THAP12: variants seen among roughly 807,000 people sequenced by gnomAD.
THAP12 encodes the protein THAP domain containing 12.
THAP12 carries 20 observed loss-of-function variants against 63.0 expected under a neutral mutation model. That is an observed-to-expected ratio of 0.32 (90% CI 0.22 to 0.46). The LOEUF is 0.46. Among genes scored for constraint, THAP12 ranks in the 20% least tolerant of loss-of-function variants. The pLI is 1.00. For missense variants in THAP12, 568 were observed against 908.2 expected (o/e 0.63, Z 4.81); for synonymous variants, 264 against 328.4 (o/e 0.80, Z 2.12).
chr11:76,359,350 G>T (rs1158247499), intron 3 of THAP12: 7 of 151,948 alleles, frequency 4.6e-5, no homozygotes, highest in Non-Finnish European at 8.8e-5. Flanking sequence ...TCTCTTCATG[G>T]ATAGAACTAG....
intron 1 of THAP12, among the ~76,000 whole-genome samples, chr11:76,375,719 C>A (rs1435735281): frequency 1.7e-5 from 2 of 120,780 alleles, no homozygotes; most frequent in Non-Finnish European, 3.2e-5. Flanking sequence ...TATCAACCTT[C>A]CCTACAACCT....
intron 1 of THAP12, among the ~76,000 whole-genome samples, chr11:76,372,422 G>C (rs968575143): frequency 2.0e-5 from 3 of 149,142 alleles, no homozygotes; most frequent in Non-Finnish European, 4.4e-5. Context: ...AAAAAAAAGA[G>C]AGAGAGAGAC....
rs766646075 is a variant in THAP12, at chr11:76,380,725, C to A, written c.89+23G>T. 15 of 1,398,728 alleles carry A rather than the reference C, an allele frequency of 1.1e-5. No individual in the cohort carries two copies. In the South Asian group the frequency reaches 2.3e-4, roughly 21 times the overall value. The allele number at this position is 1,398,728 out of a possible 1,614,324, so 86.6% of individuals were successfully genotyped here. A position where few individuals can be genotyped will look rare whatever the true frequency, so the allele number is the denominator to read the frequency against. On this transcript the variant is annotated intron_variant, in intron 1 of 4. Coordinates refer to ENST00000260045, the MANE Select transcript of THAP12 (RefSeq NM_004705.4). ...TCACCGCGAAGGTGGGCCCGGGCCG[C>A]CCGCTCTGCGCCCGCCGCTTACCTG... is the stretch of plus-strand genomic sequence containing the variant.
At chr11:76,375,241 G>A (rs963428776) in intron 1 of THAP12, among the ~76,000 whole-genome samples, 2 of 152,078 alleles carry the variant, frequency 1.3e-5, no homozygotes, top group Non-Finnish European at 2.9e-5. Context: ...AGGAAGAAGA[G>A]AGCTTCAACG....
intron 1 of THAP12, among the ~76,000 whole-genome samples, chr11:76,370,355 A>T (rs549384725): frequency 8.3e-5 from 12 of 144,018 alleles, no homozygotes; most frequent in African/African-American, 2.9e-4. Flanking sequence ...TCTTCTGTGC[A>T]TATGTTTTTT....
At chr11:76,372,182 G>C (rs1376988754) in intron 1 of THAP12, among the ~76,000 whole-genome samples, 1 of 151,336 alleles carries the variant, frequency 6.6e-6, no homozygotes, top group East Asian at 1.9e-4. Flanking sequence ...TCAAACTCCC[G>C]GGCTCAAGCG....
chr11:76,361,112 T>C lies in THAP12; in HGVS notation c.211-49A>G. On this transcript the variant is annotated intron_variant, in intron 2 of 4. Transcript: ENST00000260045. ...TCAGAGATGGTCCTTATAAATATAT[T>C]ACACATCAATAAAATTCTATGTTAA... 3 of 1,179,410 alleles carry C rather than the reference T, an allele frequency of 2.5e-6. 1 individual carries two copies. Among genetic ancestry groups the C allele is most frequent in the Non-Finnish European group, 3.8e-6 (3 of 797,158 alleles). The allele number at this position is 1,179,410 out of a possible 1,614,324, so 73.1% of individuals were successfully genotyped here. A position where few individuals can be genotyped will look rare whatever the true frequency, so the allele number is the denominator to read the frequency against.
At chr11:76,359,542 A>C (rs1359792351) in intron 3 of THAP12, 1 of 152,206 alleles carries the variant, frequency 6.6e-6, no homozygotes, top group Non-Finnish European at 1.5e-5. Flanking sequence ...TTTCAAATTC[A>C]TATGGAGGAG....
At chr11:76,372,983 C>A in intron 1 of THAP12, among the ~76,000 whole-genome samples, 1 of 152,056 alleles carries the variant, frequency 6.6e-6, no homozygotes. Context: ...TTCTGCAGGG[C>A]CTTTAAAAAA....
chr11:76,354,764 T>C (rs566958582), intron 4 of THAP12, among the ~76,000 whole-genome samples: 2 of 152,196 alleles, frequency 1.3e-5, no homozygotes, highest in Admixed American at 6.5e-5. Flanking sequence ...CTATTGCTAA[T>C]AGCCCACAAG....
chr11:76,379,679 C>T (rs1049670120), intron 1 of THAP12, among the ~76,000 whole-genome samples: 1 of 152,122 alleles, frequency 6.6e-6, no homozygotes, highest in Admixed American at 6.5e-5. Flanking sequence ...TACTTATTCC[C>T]CTACCCTCTA....
chr11:76,365,514 G>A (rs1385994354), intron 2 of THAP12, among the ~76,000 whole-genome samples: 1 of 151,968 alleles, frequency 6.6e-6, no homozygotes, highest in Non-Finnish European at 1.5e-5. Context: ...TTCCCAAGTA[G>A]CTGGGACTAC....
In THAP12 at chr11:76,352,247, G is replaced by T; in HGVS notation, c.903C>A (p.Ala301=). Residue 301 remains alanine, a synonymous_variant, in exon 5 of 5, where the codon GCC becomes GCA. Coordinates refer to ENST00000260045, the MANE Select transcript of THAP12 (RefSeq NM_004705.4). ...EEFIGFLPYE[A]DAEILAVKFH... is the part of the protein sequence containing the mutation. ...ATTTCACAGCCAAAATTTCTGCATC[G>T]GCTTCATAAGGCAGGAAGCCTATAA... The T allele has an allele frequency of 1.2e-6, 2 of 1,611,824 alleles. No individual in the cohort carries two copies. Among genetic ancestry groups the T allele is most frequent in the Non-Finnish European group, 1.7e-6 (2 of 1,179,798 alleles).
At chr11:76,373,609 G>A (rs991870626) in intron 1 of THAP12, among the ~76,000 whole-genome samples, 1 of 151,812 alleles carries the variant, frequency 6.6e-6, no homozygotes. Flanking sequence ...ATAGTCCCAG[G>A]TATTTGGGTG....
In THAP12 at chr11:76,350,847, C is replaced by T. The variant is rs186331450; in HGVS notation, c.*17G>A. 162 of 1,511,478 alleles carry T rather than the reference C, an allele frequency of 1.1e-4. No homozygotes were observed. Among genetic ancestry groups the T allele is most frequent in the Non-Finnish European group, 1.1e-4 (121 of 1,133,952 alleles). 93.6% of individuals were successfully genotyped at this position (1,511,478 alleles called of 1,614,324 possible). A position where few individuals can be genotyped will look rare whatever the true frequency, so the allele number is the denominator to read the frequency against. Reference sequence around the variant, plus strand: ...TTCCAAATATCAAATATAAGAAAGCCTATTTTTAAAAGTCTCTTAGGTATT... The same window carrying T: ...TTCCAAATATCAAATATAAGAAAGCTTATTTTTAAAAGTCTCTTAGGTATT... On this transcript the variant is annotated 3_prime_UTR_variant, in exon 5 of 5. Coordinates refer to ENST00000260045, the MANE Select transcript of THAP12 (RefSeq NM_004705.4).
At chr11:76,366,740 G>C (rs528375946) in intron 1 of THAP12, among the ~76,000 whole-genome samples, 20 of 151,470 alleles carry the variant, frequency 1.3e-4, no homozygotes, top group Non-Finnish European at 2.7e-4. Flanking sequence ...TCTAAGGGAA[G>C]CATAAAGGCT....
chr11:76,371,360 A>C (rs1946673128), intron 1 of THAP12, among the ~76,000 whole-genome samples: 1 of 152,180 alleles, frequency 6.6e-6, no homozygotes, highest in Non-Finnish European at 1.5e-5. Context: ...TGCACAGTTA[A>C]CTATGACTCA....
At chr11:76,375,861 T>C (rs1946706341) in intron 1 of THAP12, among the ~76,000 whole-genome samples, 1 of 152,050 alleles carries the variant, frequency 6.6e-6, no homozygotes, top group African/African-American at 2.4e-5. Context: ...AAATGGAAAC[T>C]ATCAAATACA....
chr11:76,351,279 T>C lies in THAP12; in HGVS notation c.1871A>G (p.His624Arg), dbSNP rs766672632. ...QLKFNTSEEH[H>R]ADMYRSDLPN... The stretch of plus-strand genomic sequence containing the variant: ...TAAGTCACTTCTATACATGTCAGCA[T>C]GGTGTTCCTCCGACGTATTGAATTT... The change falls in exon 5 of 5, where the codon CAT becomes CGT. Residue 624 changes from histidine to arginine, a missense_variant. Coordinates refer to ENST00000260045, the MANE Select transcript of THAP12 (RefSeq NM_004705.4). 3 of 1,574,166 alleles carry C rather than the reference T, an allele frequency of 1.9e-6. No homozygotes were observed. The highest frequency in any genetic ancestry group is 2.6e-6 in the Non-Finnish European group (3 of 1,156,530).
Sources: allele counts gnomAD v4.1 joint callset (sites outside exome capture counted in the v4.1 genomes callset), GRCh38; gene constraint gnomAD v4.1.1; transcripts MANE v1.5; gene names NCBI Gene and HGNC (gene_info 2026-07-23, HGNC 2026-07-21).